The following EPB41 variants were observed in gnomAD, a reference collection of about 807,000 sequenced individuals.
The protein encoded by EPB41 is protein 4.1.
Under a neutral mutation model 108.0 loss-of-function variants are expected in EPB41, and 65 were observed. That is an observed-to-expected ratio of 0.60 (90% confidence interval 0.49 to 0.74). The LOEUF (loss-of-function observed/expected upper bound fraction) is 0.74, where lower values mean the gene tolerates loss of function less well. Ranked by LOEUF, EPB41 falls within the 30% of genes least tolerant of loss-of-function variation. The pLI, the probability that EPB41 is intolerant of heterozygous loss-of-function variation, is 0.00. For synonymous variants in EPB41, 336 were observed against 358.9 expected (o/e 0.94, Z 0.72); for missense variants, 875 against 1,037.0 (o/e 0.84, Z 2.15).
At chr1:28,966,819 A>C (rs1459107442) in intron 1 of EPB41, among the ~76,000 whole-genome samples, 1 of 152,148 alleles carries the variant, frequency 6.6e-6, no homozygotes, top group Non-Finnish European at 1.5e-5. Context: ...GAGGAGACCC[A>C]GGTGGCTGGA....
chr1:28,964,898 A>G (rs886683213), intron 1 of EPB41, among the ~76,000 whole-genome samples: 2 of 152,028 alleles, frequency 1.3e-5, no homozygotes, highest in Non-Finnish European at 2.9e-5. Context: ...ACTTAGTCCT[A>G]CTTATCCTTT....
intron 17 of EPB41, among the ~76,000 whole-genome samples, chr1:29,107,138 C>A (rs1265859083): frequency 6.6e-6 from 1 of 150,606 alleles, no homozygotes; most frequent in African/African-American, 2.4e-5. Context: ...AGCCGAGATC[C>A]CACTATTGTA....
chr1:29,012,030 C>T lies in EPB41; in HGVS notation c.829+123C>T, dbSNP rs763326728. On this transcript the variant is annotated intron_variant, in intron 5 of 20. Coordinates refer to ENST00000343067, the MANE Select transcript of EPB41 (RefSeq NM_001376013.1). ...TGACTACTGCAGATTGCTTTGAAAT[C>T]GAGATAAAGCCTTCTCCTGGAAGGA... is the stretch of plus-strand genomic sequence containing the variant. 3.9e-5 allele frequency: 39 copies of T among 996,166 alleles called. 1 individual carries two copies. The highest frequency in any genetic ancestry group is 5.7e-5 in the Non-Finnish European group (37 of 653,954). 61.7% of individuals were successfully genotyped at this position (996,166 alleles called of 1,614,324 possible).
chr1:29,013,741 A>G (rs2096539263), intron 5 of EPB41, among the ~76,000 whole-genome samples: 1 of 149,762 alleles, frequency 6.7e-6, no homozygotes, highest in African/African-American at 2.5e-5. Context: ...GTTGGCCAGG[A>G]TGGTTTGGAA....
chr1:29,090,023 G>A (rs1002472787), intron 16 of EPB41, among the ~76,000 whole-genome samples: 4 of 152,168 alleles, frequency 2.6e-5, no homozygotes, highest in Admixed American at 1.3e-4. Context: ...CAACACTTTG[G>A]GAGGCTATGG....
chr1:28,929,185 T>C (rs1475979080), intron 1 of EPB41, among the ~76,000 whole-genome samples: 1 of 152,156 alleles, frequency 6.6e-6, no homozygotes, highest in Non-Finnish European at 1.5e-5. Context: ...ACTTGACTTA[T>C]ACATGCTGTG....
rs1306629017 is a variant in EPB41, at chr1:29,060,471, A to G, written c.1994A>G (p.Asn665Ser). 2 of 1,613,298 alleles carry G rather than the reference A, an allele frequency of 1.2e-6. No homozygotes were observed. The highest frequency in any genetic ancestry group is 1.1e-5 in the South Asian group (1 of 91,060). The change falls in exon 15 of 21, where the codon AAT becomes AGT. Residue 665 changes from asparagine to serine, a missense_variant. This residue lies in a region of EPB41 where 519 missense variants were observed against 627.3 expected (regional missense o/e 0.83). Transcript: ENST00000343067. ...GAAAACATTTATATCAGACATAGCA[A>G]TTTAATGTTGGAGGTTTGTATGAAC... Reference protein sequence around the residue: ...DGENIYIRHSNLMLEDLDKSQ... With the variant: ...DGENIYIRHSSLMLEDLDKSQ...
chr1:29,030,093 G>A (rs2096769918), intron 7 of EPB41, among the ~76,000 whole-genome samples: 2 of 152,122 alleles, frequency 1.3e-5, no homozygotes, highest in African/African-American at 4.8e-5. Flanking sequence ...AGAGAAGGGG[G>A]CAGAACTAAT....
chr1:29,090,847 G>A (rs1660928789), intron 16 of EPB41, among the ~76,000 whole-genome samples: 1 of 152,170 alleles, frequency 6.6e-6, no homozygotes, highest in South Asian at 2.1e-4. Flanking sequence ...ACACCCCTGG[G>A]AGGATGCTCA....
At chr1:29,116,547 C>G (rs1299113492) in intron 20 of EPB41, among the ~76,000 whole-genome samples, 3 of 152,110 alleles carry the variant, frequency 2.0e-5, no homozygotes, top group African/African-American at 7.2e-5. Flanking sequence ...GGTGGGCATG[C>G]AGAGCAGGGA....
In EPB41 at chr1:29,119,963, A is replaced by G. The variant is rs1261254539; in HGVS notation, c.*3151A>G. ...CTGCTGTTTTGGCCTTTCGTAGTAG[A>G]AGTGGTTGTAGTGTTTAGATATCTG... is the stretch of plus-strand genomic sequence containing the variant. On this transcript the variant is annotated 3_prime_UTR_variant, in exon 21 of 21. Coordinates refer to ENST00000343067, the MANE Select transcript of EPB41 (RefSeq NM_001376013.1). 1 of 152,642 alleles carries G rather than the reference A, an allele frequency of 6.6e-6. No homozygotes were observed. The highest frequency in any genetic ancestry group is 1.5e-5 in the Non-Finnish European group (1 of 68,042). 9.5% of individuals were successfully genotyped at this position (152,642 alleles called of 1,614,324 possible). A position where few individuals can be genotyped will look rare whatever the true frequency, so the allele number is the denominator to read the frequency against.
intron 2 of EPB41, among the ~76,000 whole-genome samples, chr1:28,990,610 G>T (rs79996809): frequency 0.025 from 3,732 of 151,662 alleles, 146 homozygotes; most frequent in African/African-American, 0.086. Flanking sequence ...TGGTAGAGAC[G>T]GTCTTGCTTT....
upstream of EPB41, among the ~76,000 whole-genome samples, chr1:28,912,110 C>T (rs56068057): frequency 1.3e-5 from 2 of 152,150 alleles, no homozygotes; most frequent in Admixed American, 6.5e-5. Flanking sequence ...CCTGACCTCA[C>T]TAAGACTCAG....
rs1488754081 is a variant in EPB41, at chr1:29,038,322, TAAA to T, written c.1464-928_1464-926del. Among the ~76,000 whole-genome samples the T allele has an allele frequency of 2.6e-5, 4 of 152,084 alleles. No individual in the cohort carries two copies. In the East Asian group the frequency reaches 5.8e-4, roughly 22 times the overall value. On this transcript the variant is annotated intron_variant, in intron 10 of 20. Transcript: ENST00000343067. ...ATTTTTTAAAAAGAGCAAGGAGGAG[TAAA>T]AAAGTGATTTTTGAATGTCTAATAA... is the stretch of plus-strand genomic sequence containing the variant.
chr1:29,109,471 CA>C (rs1430502927), intron 18 of EPB41, 34 bp downstream of exon 18: 2 of 1,577,348 alleles, frequency 1.3e-6, no homozygotes, highest in African/African-American at 1.3e-5. Context: ...TTATGGAACC[CA>C]GGGGCAGGCT....
upstream of EPB41, among the ~76,000 whole-genome samples, chr1:28,909,717 T>C (rs2092118039): frequency 6.6e-6 from 1 of 151,806 alleles, no homozygotes. Context: ...GCAGGATTGC[T>C]GGAGCTCAGG....
intron 2 of EPB41, chr1:28,989,259 A>T: frequency 3.4e-6 from 1 of 297,908 alleles, no homozygotes; most frequent in Non-Finnish European, 5.0e-6. Flanking sequence ...TAGTGTTGTT[A>T]AACTAAACAC....
At chr1:28,923,268 G>A (rs1368394549) in intron 1 of EPB41, among the ~76,000 whole-genome samples, 2 of 151,236 alleles carry the variant, frequency 1.3e-5, no homozygotes, top group Non-Finnish European at 3.0e-5. Flanking sequence ...GCTAATTTTT[G>A]TATTTTAGTA....
At chr1:29,016,148 C>G (rs746038860) in intron 6 of EPB41, among the ~76,000 whole-genome samples, 1 of 152,198 alleles carries the variant, frequency 6.6e-6, no homozygotes, top group East Asian at 1.9e-4. Context: ...TTTCATACTC[C>G]TTTCCCACCA....
Sources: allele counts gnomAD v4.1 joint callset (sites outside exome capture counted in the v4.1 genomes callset), GRCh38; gene constraint gnomAD v4.1.1; regional missense constraint gnomAD v4.1.1; transcripts MANE v1.5; gene names NCBI Gene and HGNC (gene_info 2026-07-23, HGNC 2026-07-21).